RBFOX1: variants seen among roughly 807,000 people sequenced by gnomAD.
RBFOX1 encodes the protein RNA binding fox-1 homolog 1.
A neutral mutation model predicts 57.7 loss-of-function variants in RBFOX1; 8 were observed. The observed-to-expected ratio is 0.14, with a 90% CI of 0.08 to 0.25. The LOEUF is 0.25. RBFOX1 is among the 10% of genes least tolerant of loss of function. The pLI is 1.00. For synonymous variants in RBFOX1, 326 were observed against 222.4 expected, an observed-to-expected ratio of 1.47 and a Z score of -4.15; for missense variants, 611 against 548.5, an observed-to-expected ratio of 1.11 and a Z score of -1.14.
intron 4 of RBFOX1, among the ~76,000 whole-genome samples, chr16:7,349,499 T>C (rs1256928322): frequency 6.6e-6 from 1 of 151,566 alleles, no homozygotes; most frequent in Non-Finnish European, 1.5e-5. Context: ...AGCCAGTCCT[T>C]GTCAGAATGT....
At chr16:5,531,202 A>G (rs992416600) in intron 2 of RBFOX1, among the ~76,000 whole-genome samples, 1 of 152,116 alleles carries the variant, frequency 6.6e-6, no homozygotes, top group African/African-American at 2.4e-5. Context: ...GGATGCTCAG[A>G]GGAGTTGTTC....
intron 3 of RBFOX1, among the ~76,000 whole-genome samples, chr16:6,747,464 CTGTCTGTCTGTT>C (rs903075924): frequency 5.3e-5 from 8 of 151,484 alleles, no homozygotes; most frequent in Non-Finnish European, 7.4e-5. Context: ...GTCTGTCTGT[CTGTCTGTCTGTT>C]TATCTATCTG....
At chr16:7,534,100 T>C (rs2152405762) in intron 5 of RBFOX1, among the ~76,000 whole-genome samples, 1 of 149,008 alleles carries the variant, frequency 6.7e-6, no homozygotes, top group African/African-American at 2.4e-5. Flanking sequence ...TTTTTTTTTT[T>C]TTGGACATGC....
chr16:6,298,917 G>T (rs1434413445), intron 1 of RBFOX1, among the ~76,000 whole-genome samples: 1 of 152,126 alleles, frequency 6.6e-6, no homozygotes, highest in Non-Finnish European at 1.5e-5. Flanking sequence ...GTGCTTGAGA[G>T]GTTAAGAACC....
At chr16:7,356,013 G>C (rs73565854) in intron 4 of RBFOX1, among the ~76,000 whole-genome samples, 1 of 152,146 alleles carries the variant, frequency 6.6e-6, no homozygotes, top group Non-Finnish European at 1.5e-5. Flanking sequence ...TGCTTTATTG[G>C]TTTGAAAAAT....
intron 4 of RBFOX1, among the ~76,000 whole-genome samples, chr16:7,407,495 T>C (rs1007496133): frequency 1.3e-5 from 2 of 152,114 alleles, no homozygotes; most frequent in East Asian, 1.9e-4. Context: ...ATCAATCATA[T>C]GCATCTTTGT....
intron 2 of RBFOX1, among the ~76,000 whole-genome samples, chr16:6,334,480 C>G (rs1332773930): frequency 7.3e-6 from 1 of 137,880 alleles, no homozygotes; most frequent in African/African-American, 2.9e-5. Context: ...TGCACTCCAG[C>G]CTGGACAACA....
At chr16:5,273,035 A>T (rs1373320904) in intron 1 of RBFOX1, among the ~76,000 whole-genome samples, 2 of 152,150 alleles carry the variant, frequency 1.3e-5, no homozygotes, top group Non-Finnish European at 2.9e-5. Flanking sequence ...TGCTGGTGGC[A>T]GTGGGCTGGG....
intron 1 of RBFOX1, among the ~76,000 whole-genome samples, chr16:5,257,241 G>A (rs1203441698): frequency 2.0e-5 from 3 of 152,160 alleles, no homozygotes; most frequent in Admixed American, 1.3e-4. Flanking sequence ...GCAAACAAAC[G>A]TGAGTGATGA....
chr16:6,790,282 T>G (rs568625379), intron 3 of RBFOX1, among the ~76,000 whole-genome samples: 137 of 151,906 alleles, frequency 9.0e-4, no homozygotes, highest in Non-Finnish European at 1.5e-3. Flanking sequence ...CCTCCAGGGT[T>G]CCAGCCATTC....
chr16:5,425,199 T>A (rs982622933), intron 1 of RBFOX1, among the ~76,000 whole-genome samples: 1 of 151,408 alleles, frequency 6.6e-6, no homozygotes, highest in Non-Finnish European at 1.5e-5. Flanking sequence ...TCCGACTCCT[T>A]GGTTCAAGTG....
At chr16:7,684,403 TTTTC>T (rs1489882146) in intron 14 of RBFOX1, among the ~76,000 whole-genome samples, 1 of 152,122 alleles carries the variant, frequency 6.6e-6, no homozygotes, top group African/African-American at 2.4e-5. Context: ...AACTAGTCAC[TTTTC>T]TTTTTTTCCA....
intron 3 of RBFOX1, among the ~76,000 whole-genome samples, chr16:5,672,147 G>A (rs369647735): frequency 1.3e-5 from 2 of 152,322 alleles, no homozygotes; most frequent in African/African-American, 4.8e-5. Context: ...GGGGCAGGCA[G>A]TGGATCAGGT....
chr16:7,489,051 G>T (rs917010321), intron 4 of RBFOX1, among the ~76,000 whole-genome samples: 5 of 152,006 alleles, frequency 3.3e-5, no homozygotes, highest in African/African-American at 1.2e-4. Flanking sequence ...ATAAAATCTT[G>T]CTGTGAATCT....
chr16:6,411,476 G>A (rs1477418373), intron 2 of RBFOX1, among the ~76,000 whole-genome samples: 1 of 152,054 alleles, frequency 6.6e-6, no homozygotes, highest in African/African-American at 2.4e-5. Context: ...ATAATTTCTG[G>A]ATTTCTCTAT....
chr16:7,130,067 C>T (rs1342337229), intron 4 of RBFOX1, among the ~76,000 whole-genome samples: 3 of 144,496 alleles, frequency 2.1e-5, no homozygotes, highest in Non-Finnish European at 4.5e-5. Context: ...GAGCCTAGCT[C>T]TGTCGCCCAG....
rs9934544 is a variant in RBFOX1 at position 5,365,252 on chromosome 16, T to G, written c.220-101964T>G. 2.0e-3 allele frequency among the ~76,000 whole-genome samples: 312 copies of G among 152,204 alleles called. 1 individual carries two copies. The highest frequency in any genetic ancestry group is 7.2e-3 in the African/African-American group (300 of 41,532). On this transcript the variant is annotated intron_variant, in intron 1 of 2. Coordinates refer to the RBFOX1 transcript ENST00000585867. ...AGGTGTCACACTGAATGCACAAAAT[T>G]TAATGTTGATCAACTTGGAGTGTAG...
At chr16:5,750,056 C>G (rs1042119091) in intron 3 of RBFOX1, among the ~76,000 whole-genome samples, 1 of 152,066 alleles carries the variant, frequency 6.6e-6, no homozygotes, top group African/African-American at 2.4e-5. Flanking sequence ...TGTGGATGTC[C>G]TTTCTGTTTG....
intron 3 of RBFOX1, among the ~76,000 whole-genome samples, chr16:6,851,002 A>G (rs759038571): frequency 6.6e-6 from 1 of 152,232 alleles, no homozygotes; most frequent in Non-Finnish European, 1.5e-5. Flanking sequence ...GAATGGTTAC[A>G]CTGTGATAAT....
Sources: allele counts gnomAD v4.1 joint callset (sites outside exome capture counted in the v4.1 genomes callset), GRCh38; gene constraint gnomAD v4.1.1; transcripts MANE v1.5; gene names NCBI Gene and HGNC (gene_info 2026-07-23, HGNC 2026-07-21).